ARRB1: variants seen among roughly 807,000 people sequenced by gnomAD.
ARRB1 encodes the protein arrestin beta 1.
Under a neutral mutation model 56.8 loss-of-function variants are expected in ARRB1, and 21 were observed. The ratio of observed to expected loss-of-function variants is 0.37; its 90% confidence interval spans 0.26 to 0.53. ARRB1 has a LOEUF of 0.53. Among genes scored for constraint, ARRB1 ranks in the 20% least tolerant of loss-of-function variants. The pLI is 0.88. For synonymous variants in ARRB1, 210 were observed against 218.6 expected, an observed-to-expected ratio of 0.96 and a Z score of 0.35; for missense variants, 424 against 553.7, an observed-to-expected ratio of 0.77 and a Z score of 2.35.
At chr11:75,310,981 A>T (rs1947142890) in intron 1 of ARRB1, among the ~76,000 whole-genome samples, 1 of 152,206 alleles carries the variant, frequency 6.6e-6, no homozygotes, top group Non-Finnish European at 1.5e-5. Context: ...CACATAGGGT[A>T]GGGGAGACAG....
intron 1 of ARRB1, among the ~76,000 whole-genome samples, chr11:75,317,907 A>C (rs1394374436): frequency 6.6e-6 from 1 of 152,088 alleles, no homozygotes; most frequent in Non-Finnish European, 1.5e-5. Context: ...GACTAGCTAC[A>C]TAATTTGTGG....
chr11:75,350,754 T>C (rs1345782443), intron 1 of ARRB1, among the ~76,000 whole-genome samples: 1 of 152,176 alleles, frequency 6.6e-6, no homozygotes, highest in Non-Finnish European at 1.5e-5. Context: ...TGGGATCTAT[T>C]TGGATGAAAT....
chr11:75,270,068 C>A (rs77305388), intron 13 of ARRB1, among the ~76,000 whole-genome samples: 1 of 152,396 alleles, frequency 6.6e-6, no homozygotes, highest in East Asian at 1.9e-4. Context: ...ACCAGCCTCG[C>A]CACCCGCTGG....
intron 1 of ARRB1, among the ~76,000 whole-genome samples, chr11:75,341,770 C>A (rs1326988636): frequency 6.6e-6 from 1 of 152,208 alleles, no homozygotes; most frequent in East Asian, 1.9e-4. Flanking sequence ...GTTTGGGAAC[C>A]ACAGGACAGT....
At chr11:75,317,457 A>C (rs1456039111) in intron 1 of ARRB1, among the ~76,000 whole-genome samples, 1 of 151,606 alleles carries the variant, frequency 6.6e-6, no homozygotes, top group Non-Finnish European at 1.5e-5. Context: ...GTTCACAGCC[A>C]CTCCTTCTCT....
chr11:75,330,897 AAGAC>A (rs1947509904), intron 1 of ARRB1, among the ~76,000 whole-genome samples: 1 of 152,230 alleles, frequency 6.6e-6, no homozygotes, highest in Non-Finnish European at 1.5e-5. Context: ...GAGAAAAAGA[AAGAC>A]AGCCATTCAT....
intron 1 of ARRB1, among the ~76,000 whole-genome samples, chr11:75,311,093 T>C (rs1947145113): frequency 6.6e-6 from 1 of 152,136 alleles, no homozygotes; most frequent in Non-Finnish European, 1.5e-5. Context: ...TCCCAGCACT[T>C]TGAAAGATCA....
intron 5 of ARRB1, 107 bp downstream of exon 5, chr11:75,283,180 T>C: frequency 8.4e-7 from 1 of 1,189,648 alleles, no homozygotes; most frequent in Non-Finnish European, 1.2e-6. Context: ...ACTGGGAAAC[T>C]GGGTGGCAGG....
At position 75,342,617 on chromosome 11, in the gene ARRB1, A is replaced by C. The variant is rs909618053; in HGVS notation, c.20+8971T>G. 6.6e-5 allele frequency among the ~76,000 whole-genome samples: 10 copies of C among 152,234 alleles called. No homozygotes were observed. The East Asian group carries it at 1.9e-3, about 29-fold the overall frequency. ...GGACTGCAGCCAGACCCAGATGTCCATCCTAAGGAGGGACTCCCTACTCTC... is the reference window on the plus strand; with the variant it reads ...GGACTGCAGCCAGACCCAGATGTCCCTCCTAAGGAGGGACTCCCTACTCTC... On this transcript the variant is annotated intron_variant, in intron 1 of 15. Coordinates refer to ENST00000420843, the MANE Select transcript of ARRB1 (RefSeq NM_004041.5).
At chr11:75,339,889 A>G (rs1448023315) in intron 1 of ARRB1, among the ~76,000 whole-genome samples, 1 of 152,128 alleles carries the variant, frequency 6.6e-6, no homozygotes, top group Non-Finnish European at 1.5e-5. Context: ...TAACCCTGAA[A>G]ACTCCTAGCC....
At chr11:75,326,202 A>T (rs1002070089) in intron 1 of ARRB1, among the ~76,000 whole-genome samples, 1 of 152,136 alleles carries the variant, frequency 6.6e-6, no homozygotes, top group Non-Finnish European at 1.5e-5. Context: ...TGGGAGGAGG[A>T]GGGTGCTGCC....
intron 13 of ARRB1, chr11:75,269,283 C>T: frequency 4.0e-6 from 2 of 503,540 alleles, no homozygotes; most frequent in Non-Finnish European, 7.5e-6. Context: ...TGCGGGGCTC[C>T]AGAGGTGCCC....
At chr11:75,295,562 C>T (rs1946721131) in intron 1 of ARRB1, among the ~76,000 whole-genome samples, 1 of 152,216 alleles carries the variant, frequency 6.6e-6, no homozygotes, top group Non-Finnish European at 1.5e-5. Context: ...TAATCCAGAA[C>T]AATCTCCCTA....
chr11:75,273,998 T>G lies in ARRB1; in HGVS notation c.914+76A>C, dbSNP rs1009704383. On this transcript the variant is annotated intron_variant, in intron 11 of 15. Transcript: ENST00000420843. ...GGTAGCCTGAGCCTTGTCTTTGAAC[T>G]GGGGGGACCAAGGAGGGTGTGGCCC... 1.2e-4 allele frequency: 191 copies of G among 1,600,756 alleles called. 1 individual carries two copies. Among genetic ancestry groups the G allele is most frequent in the Admixed American group, 5.2e-4 (31 of 59,446 alleles).
intron 1 of ARRB1, among the ~76,000 whole-genome samples, chr11:75,294,719 C>T (rs1217240918): frequency 6.6e-6 from 1 of 151,902 alleles, no homozygotes; most frequent in Non-Finnish European, 1.5e-5. Context: ...ATTCAGTTTC[C>T]TTCTAAGCCT....
In ARRB1 at chr11:75,291,708, G is replaced by A. The variant is rs140806784; in HGVS notation, c.21-1669C>T. ...GATAGAGACAGAGACCGCGAGATAA[G>A]AGAGGGGGTTGGGGAAGAGAGGGGA... On this transcript the variant is annotated intron_variant, in intron 1 of 15. Coordinates refer to ENST00000420843, the MANE Select transcript of ARRB1 (RefSeq NM_004041.5). Among the ~76,000 whole-genome samples the A allele has an allele frequency of 3.3e-4, 51 of 152,338 alleles. No individual in the cohort carries two copies. The East Asian group carries it at 9.3e-3, about 28-fold the overall frequency.
intron 1 of ARRB1, among the ~76,000 whole-genome samples, chr11:75,294,194 T>C (rs940008054): frequency 1.3e-5 from 2 of 151,846 alleles, no homozygotes; most frequent in Non-Finnish European, 2.9e-5. Flanking sequence ...CAGAAGAGGG[T>C]CTGTAGAGTA....
At chr11:75,293,846 C>T (rs909553391) in intron 1 of ARRB1, among the ~76,000 whole-genome samples, 1 of 152,188 alleles carries the variant, frequency 6.6e-6, no homozygotes, top group Admixed American at 6.5e-5. Context: ...GGCAGTCTCA[C>T]TCTCTCTGCA....
intron 1 of ARRB1, among the ~76,000 whole-genome samples, chr11:75,320,483 C>A (rs1210358714): frequency 6.6e-6 from 1 of 152,204 alleles, no homozygotes; most frequent in African/African-American, 2.4e-5. Context: ...TGGATGGTGG[C>A]CCTGAGGCTG....
Sources: gnomAD v4.1 joint callset for allele counts (sites outside exome capture counted in the v4.1 genomes callset) on GRCh38, gnomAD v4.1.1 for gene constraint, MANE v1.5 for transcripts, NCBI Gene and HGNC (gene_info 2026-07-23, HGNC 2026-07-21) for gene names.